TRPM8: variants seen among roughly 807,000 people sequenced by gnomAD.
TRPM8 encodes the protein transient receptor potential cation channel subfamily M member 8, also known as TRPM8 cationic channel.
In TRPM8, 110 loss-of-function variants were observed where a neutral mutation model predicts 133.7. That is an observed-to-expected ratio of 0.82 (90% CI 0.70 to 0.96). TRPM8 has a LOEUF of 0.96. Ranked by LOEUF, TRPM8 falls within the 40% of genes least tolerant of loss-of-function variation. TRPM8 has a pLI of 0.00. For missense variants in TRPM8, 1,291 were observed against 1,379.5 expected, an observed-to-expected ratio of 0.94 and a Z score of 1.02; for synonymous variants, 535 against 532.3, an observed-to-expected ratio of 1.01 and a Z score of -0.07.
At chr2:233,996,546 T>A in intron 22 of TRPM8, 30 bp downstream of exon 22, 1 of 1,602,950 alleles carries the variant, frequency 6.2e-7, no homozygotes. Context: ...GTACTTGGGA[T>A]CAGAAGCAGC....
intron 11 of TRPM8, among the ~76,000 whole-genome samples, chr2:233,960,304 C>A (rs961215365): frequency 2.0e-5 from 3 of 152,138 alleles, no homozygotes; most frequent in Non-Finnish European, 2.9e-5. Flanking sequence ...TGAAGGGCAG[C>A]AGATCCCACA....
chr2:233,934,709 A>G (rs557534748), intron 3 of TRPM8, among the ~76,000 whole-genome samples: 7 of 152,334 alleles, frequency 4.6e-5, no homozygotes, highest in East Asian at 3.9e-4. Context: ...CAGCACTTCA[A>G]GAAGATCACT....
At chr2:233,930,770 C>T (rs1356538693) in intron 3 of TRPM8, 29 bp downstream of exon 3, 16 of 1,543,622 alleles carry the variant, frequency 1.0e-5, no homozygotes, top group Non-Finnish European at 1.3e-5. Flanking sequence ...TCCAGTTTTG[C>T]TTTCCAAGTT....
At chr2:233,987,225 AG>A (rs1215842699) in intron 21 of TRPM8, among the ~76,000 whole-genome samples, 2 of 152,344 alleles carry the variant, frequency 1.3e-5, no homozygotes, top group Non-Finnish European at 2.9e-5. Flanking sequence ...TAAAAGACAA[AG>A]TTTGATCTAT....
chr2:233,951,651 C>T (rs1691175063), intron 9 of TRPM8, among the ~76,000 whole-genome samples: 1 of 152,130 alleles, frequency 6.6e-6, no homozygotes, highest in Non-Finnish European at 1.5e-5. Context: ...TTATATTATC[C>T]TTTCTGCAAT....
At chr2:233,964,861 C>A in intron 14 of TRPM8, 104 bp downstream of exon 14, 1 of 1,252,278 alleles carries the variant, frequency 8.0e-7, no homozygotes, top group Non-Finnish European at 1.1e-6. Context: ...CGTGGCATGT[C>A]CAAGCTCCCC....
chr2:233,996,487 A>G lies in TRPM8; in HGVS notation c.3101A>G (p.Lys1034Arg). ...AAGAAGTGCTTCAAGTGTTGCTGCA[A>G]GGAGAAAAACATGGAGTCTTCTGTC... ...VVKKCFKCCC[K>R]EKNMESSVCC... The change falls in exon 22 of 26, where the codon AAG (lysine) becomes AGG (arginine). Residue 1034 changes from lysine to arginine, a missense_variant. By Grantham distance (26) the Lys-to-Arg change is conservative. Transcript: ENST00000324695. 6.2e-7 allele frequency: 1 copy of G among 1,614,192 alleles called. No homozygotes were observed. Among genetic ancestry groups the G allele is most frequent in the East Asian group, 2.2e-5 (1 of 44,878 alleles).
intron 2 of TRPM8, among the ~76,000 whole-genome samples, chr2:233,928,392 T>C (rs1183276293): frequency 5.3e-5 from 8 of 151,378 alleles, no homozygotes; most frequent in Non-Finnish European, 1.0e-4. Flanking sequence ...GCTGAGACCA[T>C]GCAAGAGCAT....
intron 2 of TRPM8, among the ~76,000 whole-genome samples, chr2:233,927,864 T>TCTCTCTCTCTC (rs1559516549): frequency 2.6e-5 from 1 of 38,860 alleles, no homozygotes; most frequent in African/African-American, 2.3e-4. Context: ...TTCTTTCTCT[T>TCTCTCTCTCTC]TCTTTCTTTC....
At chr2:233,972,843 G>A (rs1000638633) in intron 17 of TRPM8, among the ~76,000 whole-genome samples, 7 of 152,268 alleles carry the variant, frequency 4.6e-5, no homozygotes, top group Admixed American at 2.6e-4. Context: ...TCCCGCTCAC[G>A]CCACTCCTTC....
rs144962808 is a variant in TRPM8, at chr2:233,937,461, C to T, written c.300C>T (p.Thr100=). 27 of 1,614,052 alleles carry T rather than the reference C, an allele frequency of 1.7e-5. No homozygotes were observed. The highest frequency in any genetic ancestry group is 1.6e-4 in the Middle Eastern group (1 of 6,062). Residue 100 remains threonine (T), a synonymous_variant, in exon 4 of 26, where the codon ACC becomes ACT. Transcript: ENST00000324695. The stretch of plus-strand genomic sequence containing the variant: ...AGAAACACACCAAGGAATTTCCTAC[C>T]GACGCCTTTGGGGATATTCAGTTTG... ...NYKKHTKEFP[T]DAFGDIQFET...
intron 2 of TRPM8, among the ~76,000 whole-genome samples, chr2:233,928,211 C>T (rs1260603946): frequency 8.6e-5 from 13 of 151,994 alleles, no homozygotes; most frequent in African/African-American, 2.9e-4. Flanking sequence ...CCTCGTGAGC[C>T]GCCCACCTCG....
At chr2:233,980,895 T>C (rs1222304882) in intron 18 of TRPM8, among the ~76,000 whole-genome samples, 1 of 152,140 alleles carries the variant, frequency 6.6e-6, no homozygotes, top group African/African-American at 2.4e-5. Flanking sequence ...AACTGGCCTG[T>C]CGTCCCCAAA....
chr2:233,936,891 CTTTTTTTTTTT>C (rs5839499), intron 3 of TRPM8, among the ~76,000 whole-genome samples: 15 of 101,316 alleles, frequency 1.5e-4, no homozygotes, highest in Middle Eastern at 6.2e-3. Flanking sequence ...TCTTTCTTTC[CTTTTTTTTTTT>C]TTTTTTTTTT....
At chr2:233,927,797 TTCC>T (rs1233974542) in intron 2 of TRPM8, among the ~76,000 whole-genome samples, 2 of 18,316 alleles carry the variant, frequency 1.1e-4, no homozygotes, top group Admixed American at 6.0e-4. Flanking sequence ...TTTCTTTTCT[TTCC>T]TTCCTTCCTT....
intron 1 of TRPM8, among the ~76,000 whole-genome samples, chr2:233,919,216 GT>G (rs1691361122): frequency 6.6e-6 from 1 of 151,966 alleles, no homozygotes; most frequent in Non-Finnish European, 1.5e-5. Flanking sequence ...TTTGTATTGA[GT>G]TCAAAGGATG....
Position 233,948,673 on chromosome 2 carries a change from C to T in TRPM8, c.943-1276C>T, listed in dbSNP as rs557318077. 5.9e-5 allele frequency among the ~76,000 whole-genome samples: 9 copies of T among 152,296 alleles called. No individual in the cohort carries two copies. In the East Asian group the frequency reaches 7.7e-4, roughly 13 times the overall value. ...GCATTTCTATGGCATTTTCCACTGC[C>T]GTCTGCTCAGCCAATTAACAACCCA... On this transcript the variant is annotated intron_variant, in intron 8 of 25. Transcript: ENST00000324695.
intron 5 of TRPM8, among the ~76,000 whole-genome samples, chr2:233,941,670 C>T (rs1473875861): frequency 1.3e-5 from 2 of 152,108 alleles, no homozygotes; most frequent in East Asian, 3.8e-4. Context: ...GGGTCATTTC[C>T]AACTTTAGAT....
chr2:233,939,218 G>A, intron 5 of TRPM8, 43 bp downstream of exon 5: 1 of 1,603,922 alleles, frequency 6.2e-7, no homozygotes, highest in Non-Finnish European at 8.5e-7. Flanking sequence ...CATTCGGGCT[G>A]CACCAAGTTT....
Sources: allele counts gnomAD v4.1 joint callset (sites outside exome capture counted in the v4.1 genomes callset), GRCh38; gene constraint gnomAD v4.1.1; transcripts MANE v1.5; gene names NCBI Gene and HGNC (gene_info 2026-07-23, HGNC 2026-07-21).